The following RTN4IP1 variants were observed in gnomAD, a reference collection of about 807,000 sequenced individuals.
RTN4IP1 encodes the protein NAD(P)H oxidoreductase RTN4IP1, mitochondrial.
Under a neutral mutation model 46.6 loss-of-function variants are expected in RTN4IP1, and 32 were observed. The observed-to-expected ratio is 0.69, with a 90% CI of 0.52 to 0.92. The LOEUF (loss-of-function observed/expected upper bound fraction) is 0.92. RTN4IP1 is among the 40% of genes least tolerant of loss of function. The probability of loss-of-function intolerance (pLI) is 0.00; values close to 1 mark genes in which losing one functional copy is unlikely to be tolerated. For missense variants in RTN4IP1, 424 were observed against 485.8 expected (o/e 0.87, Z 1.20); for synonymous variants, 167 against 161.8 (o/e 1.03, Z -0.24).
rs536334020 is a variant in RTN4IP1, at chr6:106,628,733, C to A, written c.274+15G>T. On this transcript the variant is annotated intron_variant, in intron 1 of 8. Transcript: ENST00000369063. ...ATTTTTTTAAAAAAGGTAACAATGT[C>A]TTTTGAAAACTTACTTCTCATATTA... The A allele has an allele frequency of 6.9e-6, 11 of 1,588,818 alleles. No individual in the cohort carries two copies. Among genetic ancestry groups the A allele is most frequent in the Non-Finnish European group, 8.6e-6 (10 of 1,163,250 alleles).
chr6:106,584,564 T>C (rs1014516508), intron 7 of RTN4IP1, among the ~76,000 whole-genome samples: 3 of 152,238 alleles, frequency 2.0e-5, no homozygotes, highest in African/African-American at 7.2e-5. Context: ...TTGTTTTTTT[T>C]AGTTATGTTA....
In RTN4IP1 at chr6:106,592,657, C is replaced by T. The variant is rs182115970; in HGVS notation, c.670-357G>A. On this transcript the variant is annotated intron_variant, in intron 5 of 8. Coordinates refer to ENST00000369063, the MANE Select transcript of RTN4IP1 (RefSeq NM_032730.5). ...GCCTCAAATTTGCCAAGTGCGGTGG[C>T]TCACGCCTGTAATCCCAGCACTTTG... 1.7e-3 allele frequency among the ~76,000 whole-genome samples: 260 copies of T among 152,306 alleles called. 1 individual carries two copies. Among genetic ancestry groups the T allele is most frequent in the African/African-American group, 6.0e-3 (249 of 41,546 alleles).
chr6:106,602,354 C>T (rs752695831), intron 5 of RTN4IP1, among the ~76,000 whole-genome samples: 14 of 152,068 alleles, frequency 9.2e-5, no homozygotes, highest in East Asian at 1.9e-4. Context: ...GCCATCTTAA[C>T]GGTATTTTGG....
At chr6:106,576,053 CAGGT>C (rs2114618587) in intron 8 of RTN4IP1, among the ~76,000 whole-genome samples, 1 of 152,320 alleles carries the variant, frequency 6.6e-6, no homozygotes, top group East Asian at 1.9e-4. Context: ...ACCTCCTGGA[CAGGT>C]ATGCCCCTGA....
intron 4 of RTN4IP1, among the ~76,000 whole-genome samples, chr6:106,607,440 G>A (rs932791720): frequency 2.0e-5 from 3 of 152,002 alleles, no homozygotes; most frequent in Non-Finnish European, 4.4e-5. Context: ...GAGACAACCT[G>A]TAGAATGGGA....
At chr6:106,594,713 C>T (rs1222298770) in intron 5 of RTN4IP1, among the ~76,000 whole-genome samples, 2 of 152,074 alleles carry the variant, frequency 1.3e-5, no homozygotes, top group African/African-American at 4.8e-5. Context: ...AGTTTATCAC[C>T]CAACAATGCA....
chr6:106,597,456 C>G (rs1017965286), intron 5 of RTN4IP1, among the ~76,000 whole-genome samples: 2 of 152,102 alleles, frequency 1.3e-5, no homozygotes, highest in Non-Finnish European at 2.9e-5. Context: ...GTGATCCTCA[C>G]ACCTCAGCCT....
At chr6:106,622,796 A>C (rs1164376713) in intron 2 of RTN4IP1, 22 bp downstream of exon 2, 3 of 1,604,766 alleles carry the variant, frequency 1.9e-6, no homozygotes, top group Admixed American at 1.7e-5. Flanking sequence ...CCCCGCAGGA[A>C]TAGTGGCATT....
chr6:106,590,479 G>T (rs1775627485), intron 6 of RTN4IP1, among the ~76,000 whole-genome samples: 1 of 151,970 alleles, frequency 6.6e-6, no homozygotes, highest in Non-Finnish European at 1.5e-5. Context: ...CACTTTGCAA[G>T]GCCGAGACAG....
Position 106,578,660 on chromosome 6 carries a change from G to C in RTN4IP1, c.1083+4668C>G, listed in dbSNP as rs375965606. On this transcript the variant is annotated intron_variant, in intron 8 of 8. Transcript: ENST00000369063. ...GCAAACTAGTGTCCAAGAGCCCAGG[G>C]CTCCTTGGCTGTGTGGAGCAGCTGC... is the stretch of plus-strand genomic sequence containing the variant. Among the ~76,000 whole-genome samples the C allele has an allele frequency of 3.3e-5, 5 of 152,176 alleles. No individual in the cohort carries two copies. In the East Asian group the frequency reaches 7.7e-4, roughly 23 times the overall value.
At chr6:106,587,900 G>A (rs1775526046) in intron 6 of RTN4IP1, 38 bp from the exon 7 acceptor site, 2 of 1,545,504 alleles carry the variant, frequency 1.3e-6, no homozygotes, top group South Asian at 2.4e-5. Flanking sequence ...TGGTTGTCAG[G>A]CTTTACACTG....
chr6:106,597,049 CTTAT>C (rs959590718), intron 5 of RTN4IP1, among the ~76,000 whole-genome samples: 4 of 152,088 alleles, frequency 2.6e-5, no homozygotes, highest in African/African-American at 9.7e-5. Flanking sequence ...TCCAAAGGAT[CTTAT>C]TTCTTTTTTC....
In RTN4IP1 at chr6:106,572,119, G is replaced by T. The variant is rs9486411; in HGVS notation, c.1084-16C>A. On this transcript the variant is annotated splice_polypyrimidine_tract_variant and intron_variant, in intron 8 of 8. Transcript: ENST00000369063. ...CTGGCCGGATCTGTAAAACATAAGAGGTTGACCGGTGGATAAAAAAGCCTA... is the reference window on the plus strand; with the variant it reads ...CTGGCCGGATCTGTAAAACATAAGATGTTGACCGGTGGATAAAAAAGCCTA... The T allele has an allele frequency of 0.12, 192,468 of 1,582,394 alleles. 12,959 individuals carry two copies. The highest frequency in any genetic ancestry group is 0.28 in the African/African-American group (21,012 of 74,014).
At chr6:106,623,034 G>C (rs1463160325) in intron 1 of RTN4IP1, 65 bp from the exon 2 acceptor site, 1 of 1,509,058 alleles carries the variant, frequency 6.6e-7, no homozygotes, top group African/African-American at 1.4e-5. Flanking sequence ...AACTACTACA[G>C]GGTTATAGTC....
At chr6:106,593,542 C>T (rs1775713723) in intron 5 of RTN4IP1, among the ~76,000 whole-genome samples, 1 of 152,196 alleles carries the variant, frequency 6.6e-6, no homozygotes, top group South Asian at 2.1e-4. Flanking sequence ...ATTTCCTGAA[C>T]TTCCTTAATA....
Position 106,587,870 on chromosome 6 carries a change from G to A in RTN4IP1, c.807-8C>T, listed in dbSNP as rs1775525301. The A allele has an allele frequency of 6.2e-7, 1 of 1,605,474 alleles. No individual in the cohort carries two copies. Among genetic ancestry groups the A allele is most frequent in the Non-Finnish European group, 8.5e-7 (1 of 1,175,374 alleles). On this transcript the variant is annotated splice_region_variant and splice_polypyrimidine_tract_variant and intron_variant, in intron 6 of 8. Coordinates refer to ENST00000369063, the MANE Select transcript of RTN4IP1 (RefSeq NM_032730.5). ...TCAAGGATAAAATCAAATCTGGAGA[G>A]GAAGAACCAAATCAAAACATGGTTG...
At chr6:106,593,027 T>C (rs1775701436) in intron 5 of RTN4IP1, among the ~76,000 whole-genome samples, 1 of 152,110 alleles carries the variant, frequency 6.6e-6, no homozygotes, top group Non-Finnish European at 1.5e-5. Flanking sequence ...TTAAAATGTA[T>C]ACAGAACATT....
chr6:106,629,209 C>T lies in RTN4IP1; in HGVS notation c.-188G>A, dbSNP rs1201820528. The T allele has an allele frequency of 5.6e-5, 34 of 603,142 alleles. No individual in the cohort carries two copies. Among genetic ancestry groups the T allele is most frequent in the Non-Finnish European group, 7.6e-5 (26 of 343,512 alleles). 37.4% of individuals were successfully genotyped at this position (603,142 alleles called of 1,614,324 possible). On this transcript the variant is annotated 5_prime_UTR_variant, in exon 1 of 9. Transcript: ENST00000369063. ...GAAAGAAGAATACGGAACTGTTATT[C>T]CGCTCTTCGCATATGAAATGCTCGA...
chr6:106,626,173 C>G (rs908246975), intron 1 of RTN4IP1, among the ~76,000 whole-genome samples: 2 of 151,786 alleles, frequency 1.3e-5, no homozygotes, highest in South Asian at 2.1e-4. Flanking sequence ...TAGAAGATAC[C>G]GAGAGAGATG....
Sources: gnomAD v4.1 joint callset for allele counts (sites outside exome capture counted in the v4.1 genomes callset) on GRCh38, gnomAD v4.1.1 for gene constraint, MANE v1.5 for transcripts, NCBI Gene and HGNC (gene_info 2026-07-23, HGNC 2026-07-21) for gene names.